The following CD47 variants were observed in gnomAD, a reference collection of about 807,000 sequenced individuals.
CD47 encodes leukocyte surface antigen CD47.
CD47 carries 11 observed loss-of-function variants against 44.6 expected under a neutral mutation model. The ratio of observed to expected loss-of-function variants is 0.25; its 90% CI spans 0.16 to 0.41. The LOEUF is 0.41. Ranked by LOEUF, CD47 falls within the 10% of genes least tolerant of loss-of-function variation. The probability of loss-of-function intolerance (pLI) is 1.00; values close to 1 mark genes in which losing one functional copy is unlikely to be tolerated. For missense variants in CD47, 306 were observed against 386.7 expected (o/e 0.79, Z 1.75); for synonymous variants, 140 against 136.3 (o/e 1.03, Z -0.19).
At chr3:108,053,232 T>G (rs913909580) in intron 7 of CD47, 2 of 152,318 alleles carry the variant, frequency 1.3e-5, no homozygotes, top group African/African-American at 4.8e-5. Flanking sequence ...CTTCCAAAGC[T>G]GGCAGGGAAA....
At position 108,059,475 on chromosome 3, in the gene CD47, A is replaced by G; in HGVS notation, c.668T>C (p.Leu223Pro). ...ACCTGTACTAAACACATAGTAGTGA[A>G]GTAATATTAATATCCCTGTAGAAGT... ...IVTSTGILIL[L>P]HYYVFSTAIG... Residue 223 changes from leucine (L) to proline (P), a missense_variant, in exon 5 of 11, where the codon CTT (leucine) becomes CCT (proline). Physicochemically the swap from Leu to Pro is moderately conservative, Grantham distance 98. Transcript: ENST00000361309. 6.6e-7 allele frequency: 1 copy of G among 1,511,556 alleles called. No homozygotes were observed. Among genetic ancestry groups the G allele is most frequent in the Non-Finnish European group, 9.0e-7 (1 of 1,116,044 alleles). 93.6% of individuals were successfully genotyped at this position (1,511,556 alleles called of 1,614,324 possible).
rs544919705 is a variant in CD47 at position 108,056,003 on chromosome 3, G to A, written c.877+1474C>T. On this transcript the variant is annotated intron_variant, in intron 7 of 10. Coordinates refer to ENST00000361309, the MANE Select transcript of CD47 (RefSeq NM_001777.4). ...CAGATAGTGAGGAAAAAATAAGAGC[G>A]TGCTGCCCGTCAGCCAAAGGTATCT... Among the ~76,000 whole-genome samples, 34 of 152,298 alleles carry A rather than the reference G, an allele frequency of 2.2e-4. 2 individuals carry two copies. Among genetic ancestry groups the A allele is most frequent in the African/African-American group, 6.7e-4 (28 of 41,564 alleles).
intron 2 of CD47, among the ~76,000 whole-genome samples, chr3:108,079,567 T>TAAAAAAAAAAAAAAAAAA (rs71629342): frequency 1.9e-5 from 1 of 53,120 alleles, no homozygotes; most frequent in Admixed American, 2.4e-4. Flanking sequence ...AGTGTAAGGT[T>TAAAAAAAAAAAAAAAAAA]AAAAAAAAAA....
chr3:108,085,421 T>C (rs1358332100), intron 1 of CD47, among the ~76,000 whole-genome samples: 1 of 152,168 alleles, frequency 6.6e-6, no homozygotes, highest in Non-Finnish European at 1.5e-5. Flanking sequence ...CTCATAGAGA[T>C]ATTGTTAAGA....
At chr3:108,048,747 G>A (rs1431486666) in intron 10 of CD47, among the ~76,000 whole-genome samples, 1 of 152,182 alleles carries the variant, frequency 6.6e-6, no homozygotes, top group Non-Finnish European at 1.5e-5. Context: ...AGCTTCCTGA[G>A]TTAAATGCTG....
chr3:108,055,371 A>T (rs2078896120), intron 7 of CD47: 1 of 302,134 alleles, frequency 3.3e-6, no homozygotes. Context: ...TTTTGGAGAC[A>T]CTTAAAATTT....
At chr3:108,057,366 A>G (rs2078929003) in intron 7 of CD47, 111 bp downstream of exon 7, 7 of 602,760 alleles carry the variant, frequency 1.2e-5, no homozygotes, top group East Asian at 2.9e-5. Context: ...AATCACTCCA[A>G]TTGTATTTTC....
chr3:108,045,556 C>T lies in CD47; in HGVS notation c.*1732G>A, dbSNP rs1307237857. ...AGATATACGTATATATTTGTGTATA[C>T]ATATTTTTTTTTTCAAGAAGAGCTG... On this transcript the variant is annotated 3_prime_UTR_variant, in exon 11 of 11. Coordinates refer to ENST00000361309, the MANE Select transcript of CD47 (RefSeq NM_001777.4). 1.4e-5 allele frequency: 2 copies of T among 140,552 alleles called. No individual in the cohort carries two copies. The highest frequency in any genetic ancestry group is 3.2e-5 in the Non-Finnish European group (2 of 63,074). The allele number at this position is 140,552 out of a possible 1,614,324, so 8.7% of individuals were successfully genotyped here.
chr3:108,051,869 C>A, intron 8 of CD47, 70 bp downstream of exon 8: 1 of 1,149,876 alleles, frequency 8.7e-7, no homozygotes, highest in South Asian at 1.2e-5. Context: ...CAAAATATCT[C>A]AATTACCAAG....
chr3:108,050,272 C>T (rs1054420923), intron 9 of CD47, among the ~76,000 whole-genome samples: 2 of 152,118 alleles, frequency 1.3e-5, no homozygotes, highest in Non-Finnish European at 2.9e-5. Context: ...TACACACCAC[C>T]ATGCCCAGGT....
chr3:108,078,946 C>A (rs1460457031), intron 2 of CD47, among the ~76,000 whole-genome samples: 1 of 152,062 alleles, frequency 6.6e-6, no homozygotes, highest in African/African-American at 2.4e-5. Context: ...CTCGGTTAAG[C>A]ACCTTCTCAA....
intron 3 of CD47, among the ~76,000 whole-genome samples, chr3:108,068,085 A>G (rs897944984): frequency 6.6e-6 from 1 of 152,234 alleles, no homozygotes; most frequent in African/African-American, 2.4e-5. Flanking sequence ...AAGCAGAACT[A>G]GAAATCTATA....
At chr3:108,066,011 C>G (rs2079100884) in intron 3 of CD47, among the ~76,000 whole-genome samples, 1 of 151,978 alleles carries the variant, frequency 6.6e-6, no homozygotes, top group Admixed American at 6.6e-5. Flanking sequence ...TTTTTCTAAT[C>G]TATGAAGAAA....
chr3:108,075,220 C>T (rs1435977951), intron 2 of CD47, among the ~76,000 whole-genome samples: 5 of 152,110 alleles, frequency 3.3e-5, no homozygotes, highest in African/African-American at 7.2e-5. Flanking sequence ...ATGGCTTCCA[C>T]GAAAATGAAC....
Position 108,090,975 on chromosome 3 carries a change from TACAGGCAGGACCGACCGCCGCCGCGCGTC to T in CD47, c.-96_-68del, listed in dbSNP as rs1351392446. On this transcript the variant is annotated 5_prime_UTR_variant, in exon 1 of 11. Transcript: ENST00000361309. ...CCGGAGCAGCAGCCGCCGCCGCCGT[TACAGGCAGGACCGACCGCCGCCGCGCGTC>T]ACAGGCAGGACCCACTGCCCAGGCT... 4.0e-6 allele frequency: 5 copies of T among 1,248,322 alleles called. No individual in the cohort carries two copies. Among genetic ancestry groups the T allele is most frequent in the Non-Finnish European group, 5.3e-6 (5 of 937,572 alleles). The allele number at this position is 1,248,322 out of a possible 1,614,324, so 77.3% of individuals were successfully genotyped here. A position where few individuals can be genotyped will look rare whatever the true frequency, so the allele number is the denominator to read the frequency against.
chr3:108,082,217 T>C (rs903082350), intron 1 of CD47, among the ~76,000 whole-genome samples: 1 of 152,034 alleles, frequency 6.6e-6, no homozygotes, highest in African/African-American at 2.4e-5. Context: ...TTTGGAATTA[T>C]CTGACTCTAT....
chr3:108,062,816 A>T (rs1576997678), intron 3 of CD47, among the ~76,000 whole-genome samples: 2 of 144,036 alleles, frequency 1.4e-5, no homozygotes, highest in Non-Finnish European at 3.0e-5. Context: ...TAATTTTTGA[A>T]TTCTTTTTTT....
intron 2 of CD47, among the ~76,000 whole-genome samples, chr3:108,079,725 TCCTTAGACCAAAA>T (rs773506507): frequency 6.6e-6 from 1 of 151,694 alleles, no homozygotes; most frequent in Non-Finnish European, 1.5e-5. Context: ...AATAAAATGG[TCCTTAGACCAAAA>T]GTTTGAGAAC....
In CD47 at chr3:108,044,845, T is replaced by C. The variant is rs370387265; in HGVS notation, c.*2443A>G. The C allele has an allele frequency of 6.6e-6, 1 of 152,484 alleles. No homozygotes were observed. The highest frequency in any genetic ancestry group is 1.9e-4 in the East Asian group (1 of 5,192). The allele number at this position is 152,484 out of a possible 1,614,324, so 9.4% of individuals were successfully genotyped here. ...ATGGTGTCACTGTGAGAACACACAATAAATAAAACTGAATGGAAGAGTCAA... is the reference window on the plus strand; with the variant it reads ...ATGGTGTCACTGTGAGAACACACAACAAATAAAACTGAATGGAAGAGTCAA... On this transcript the variant is annotated 3_prime_UTR_variant, in exon 11 of 11. Coordinates refer to ENST00000361309, the MANE Select transcript of CD47 (RefSeq NM_001777.4).
Sources: gnomAD v4.1 joint callset for allele counts (sites outside exome capture counted in the v4.1 genomes callset) on GRCh38, gnomAD v4.1.1 for gene constraint, MANE v1.5 for transcripts, NCBI Gene and HGNC (gene_info 2026-07-23, HGNC 2026-07-21) for gene names.